The following SGCE variants were observed in gnomAD, a reference collection of about 807,000 sequenced individuals.
The protein encoded by SGCE is epsilon-sarcoglycan.
SGCE carries 26 observed loss-of-function variants against 57.8 expected under a neutral mutation model. The ratio of observed to expected loss-of-function variants is 0.45; its 90% CI spans 0.33 to 0.62. The LOEUF is 0.62. Ranked by LOEUF, SGCE falls within the 20% of genes least tolerant of loss-of-function variation. The pLI, the probability that SGCE is intolerant of heterozygous loss-of-function variation, is 0.02. For synonymous variants in SGCE, 183 were observed against 189.5 expected (o/e 0.97, Z 0.28); for missense variants, 468 against 548.6 (o/e 0.85, Z 1.47).
chr7:94,627,928 A>G (rs1302444845), intron 3 of SGCE: 1 of 377,538 alleles, frequency 2.6e-6, no homozygotes, highest in East Asian at 4.9e-5. Context: ...ATTTTCTCAA[A>G]TAGAATTCAT....
chr7:94,597,213 C>T (rs1041998842), intron 9 of SGCE: 2 of 152,080 alleles, frequency 1.3e-5, no homozygotes, highest in African/African-American at 4.8e-5. Flanking sequence ...TAAACATATG[C>T]AATTTCACCC....
At chr7:94,651,168 T>C (rs778141450) in intron 1 of SGCE, among the ~76,000 whole-genome samples, 1 of 152,234 alleles carries the variant, frequency 6.6e-6, no homozygotes, top group Non-Finnish European at 1.5e-5. Flanking sequence ...CAAAGTCATC[T>C]CCATACTTCC....
At chr7:94,613,819 T>G (rs937265201) in intron 5 of SGCE, among the ~76,000 whole-genome samples, 2 of 152,154 alleles carry the variant, frequency 1.3e-5, no homozygotes, top group Non-Finnish European at 2.9e-5. Context: ...TGTTACATGT[T>G]GCCTGGGAAA....
At position 94,656,126 on chromosome 7, in the gene SGCE, C is replaced by T. The variant is rs953025459; in HGVS notation, c.-28G>A. 5 of 1,297,430 alleles carry T rather than the reference C, an allele frequency of 3.9e-6. No homozygotes were observed. In the African/African-American group the frequency reaches 5.8e-5, roughly 15 times the overall value. The allele number at this position is 1,297,430 out of a possible 1,614,324, so 80.4% of individuals were successfully genotyped here. On this transcript the variant is annotated 5_prime_UTR_variant, in exon 1 of 11. Coordinates refer to ENST00000648936, the MANE Select transcript of SGCE (RefSeq NM_003919.3). ...TTGGCCTGGCTAGGCCGTCCGTCCT[C>T]GATTCTCCCCTCCCCTCCCTTTCTT...
intron 4 of SGCE, chr7:94,620,519 C>T (rs1384757599): frequency 6.6e-6 from 1 of 151,978 alleles, no homozygotes. Context: ...TATCTGCATA[C>T]CTAGAAATAG....
intron 4 of SGCE, chr7:94,619,205 T>C (rs1802398240): frequency 1.0e-5 from 4 of 384,080 alleles, no homozygotes; most frequent in Non-Finnish European, 1.9e-5. Flanking sequence ...GGGCAATTTA[T>C]AGTTATAGAA....
intron 1 of SGCE, chr7:94,639,520 T>A: frequency 1.2e-6 from 1 of 864,620 alleles, no homozygotes; most frequent in Non-Finnish European, 1.8e-6. Flanking sequence ...CTGTCACAGA[T>A]CACCTACAAT....
intron 9 of SGCE, chr7:94,589,419 C>T (rs1302611934): frequency 6.5e-6 from 1 of 153,574 alleles, no homozygotes; most frequent in Non-Finnish European, 1.5e-5. Context: ...AGGGGATTGA[C>T]TTGTTTCCTC....
At chr7:94,630,441 C>T (rs1804519729) in intron 1 of SGCE, among the ~76,000 whole-genome samples, 2 of 151,692 alleles carry the variant, frequency 1.3e-5, no homozygotes, top group Non-Finnish European at 2.9e-5. Context: ...ATTCAATTTT[C>T]TCTGATCTTG....
chr7:94,635,327 G>T (rs1487278534), intron 1 of SGCE, among the ~76,000 whole-genome samples: 1 of 152,170 alleles, frequency 6.6e-6, no homozygotes, highest in Non-Finnish European at 1.5e-5. Flanking sequence ...GGATAAGAAT[G>T]ATTAAGAAGG....
At chr7:94,627,554 G>A (rs559090370) in intron 3 of SGCE, 1 of 152,358 alleles carries the variant, frequency 6.6e-6, no homozygotes, top group African/African-American at 2.4e-5. Context: ...ATAGTTCTCT[G>A]AGACCATGTG....
At chr7:94,587,834 A>G in intron 10 of SGCE, 2 of 1,533,346 alleles carry the variant, frequency 1.3e-6, no homozygotes, top group Non-Finnish European at 1.8e-6. Flanking sequence ...GAAAGCAGTA[A>G]TAGAGAAGAT....
At chr7:94,641,980 A>G (rs1806451483) in intron 1 of SGCE, among the ~76,000 whole-genome samples, 1 of 152,104 alleles carries the variant, frequency 6.6e-6, no homozygotes, top group Non-Finnish European at 1.5e-5. Context: ...ATCATGACAC[A>G]TTGTATGCTT....
chr7:94,627,190 TC>T (rs1803856563), intron 3 of SGCE: 1 of 151,996 alleles, frequency 6.6e-6, no homozygotes, highest in South Asian at 2.1e-4. Flanking sequence ...GAAGCTCACA[TC>T]CACAGTACAC....
At chr7:94,651,481 T>C (rs564126119) in intron 1 of SGCE, among the ~76,000 whole-genome samples, 2 of 152,316 alleles carry the variant, frequency 1.3e-5, no homozygotes, top group South Asian at 2.1e-4. Context: ...TGCCTCCCGC[T>C]CACACAGCAA....
chr7:94,635,661 ATGT>A (rs1412630364), intron 1 of SGCE, among the ~76,000 whole-genome samples: 1 of 152,216 alleles, frequency 6.6e-6, no homozygotes, highest in Non-Finnish European at 1.5e-5. Context: ...TTTTTTTAAC[ATGT>A]TGTTACTACA....
chr7:94,654,019 A>T (rs1447861958), intron 1 of SGCE, among the ~76,000 whole-genome samples: 2 of 152,114 alleles, frequency 1.3e-5, no homozygotes, highest in Admixed American at 6.5e-5. Context: ...AATCCTATGA[A>T]AAATATTTAT....
Position 94,587,878 on chromosome 7 carries a change from A to T in SGCE, c.1297+811T>A, listed in dbSNP as rs7783198. 243,415 of 1,511,392 alleles carry T rather than the reference A, an allele frequency of 0.16. 26,674 individuals carry two copies. Among genetic ancestry groups the T allele is most frequent in the African/African-American group, 0.55 (38,657 of 70,428 alleles). The allele number at this position is 1,511,392 out of a possible 1,614,324, so 93.6% of individuals were successfully genotyped here. On this transcript the variant is annotated intron_variant, in intron 10 of 10. Transcript: ENST00000648936. ...AATGAAAACATCCAACACATTTCTG[A>T]ATGTGCCTGAAGTTTTTAAGAGACT...
At chr7:94,630,409 G>A (rs1804510863) in intron 1 of SGCE, among the ~76,000 whole-genome samples, 4 of 151,502 alleles carry the variant, frequency 2.6e-5, no homozygotes, top group Non-Finnish European at 3.0e-5. Flanking sequence ...TTCATTCCTC[G>A]CATCTCTTGT....
Sources: allele counts gnomAD v4.1 joint callset (sites outside exome capture counted in the v4.1 genomes callset), GRCh38; gene constraint gnomAD v4.1.1; transcripts MANE v1.5; gene names NCBI Gene and HGNC (gene_info 2026-07-23, HGNC 2026-07-21).